The following DGAT1 variants were observed in gnomAD, a reference collection of about 807,000 sequenced individuals.
DGAT1 encodes the protein ACAT related gene product 1.
Under a neutral mutation model 72.6 loss-of-function variants are expected in DGAT1, and 60 were observed. The observed-to-expected ratio is 0.83, with a 90% CI of 0.67 to 1.02. The LOEUF is 1.02. DGAT1 is among the 50% of genes least tolerant of loss of function. The probability of loss-of-function intolerance (pLI) is 0.00; values close to 1 mark genes in which losing one functional copy is unlikely to be tolerated. For missense variants in DGAT1, 592 were observed against 670.0 expected, an observed-to-expected ratio of 0.88 and a Z score of 1.29; for synonymous variants, 290 against 267.5, an observed-to-expected ratio of 1.08 and a Z score of -0.82.
At chr8:144,324,900 TC>T (rs782733476) in intron 1 of DGAT1, among the ~76,000 whole-genome samples, 5 of 152,024 alleles carry the variant, frequency 3.3e-5, no homozygotes, top group Admixed American at 6.5e-5. Context: ...AAACCCCATC[TC>T]TACTAAAAAT....
Position 144,316,128 on chromosome 8 carries a change from G to A in DGAT1, c.*426C>T. ...GGGAGTGTGGGGAATGGGGGCGTCTGCCTGGCCTTGCACTCCCCCTACCGG... is the reference window on the plus strand; with the variant it reads ...GGGAGTGTGGGGAATGGGGGCGTCTACCTGGCCTTGCACTCCCCCTACCGG... On this transcript the variant is annotated 3_prime_UTR_variant, in exon 17 of 17. Coordinates refer to ENST00000528718, the MANE Select transcript of DGAT1 (RefSeq NM_012079.6). 4.9e-6 allele frequency: 1 copy of A among 205,028 alleles called. No individual in the cohort carries two copies. 12.7% of individuals were successfully genotyped at this position (205,028 alleles called of 1,614,324 possible).
At chr8:144,320,055 GC>G (rs1295405951) in intron 2 of DGAT1, among the ~76,000 whole-genome samples, 1 of 152,248 alleles carries the variant, frequency 6.6e-6, no homozygotes, top group East Asian at 1.9e-4. Flanking sequence ...TGGACACGTG[GC>G]CCACACTGTC....
Position 144,321,410 on chromosome 8 carries a change from T to C in DGAT1, c.201-2A>G, listed in dbSNP as rs145303862. 2 of 1,613,554 alleles carry C rather than the reference T, an allele frequency of 1.2e-6. No individual in the cohort carries two copies. The highest frequency in any genetic ancestry group is 8.5e-7 in the Non-Finnish European group (1 of 1,179,812). On this transcript the variant is annotated splice_acceptor_variant, in intron 1 of 16. Coordinates refer to ENST00000528718, the MANE Select transcript of DGAT1 (RefSeq NM_012079.6). LOFTEE classifies it high-confidence loss of function. ...AAAGAATCCTGCAGGCGATGGCACCTGACAGAGCACAACACAAGCACCCCC... is the reference window on the plus strand; with the variant it reads ...AAAGAATCCTGCAGGCGATGGCACCCGACAGAGCACAACACAAGCACCCCC...
chr8:144,315,057 G>A lies in DGAT1; in HGVS notation c.*1497C>T. On this transcript the variant is annotated 3_prime_UTR_variant, in exon 17 of 17. Transcript: ENST00000528718. Reference sequence around the variant, plus strand: ...GAGCCAGCACCCTGTGTAGGCACGGGGAACGGGAGCCTGTCCCGTAGCTTT... The same window carrying A: ...GAGCCAGCACCCTGTGTAGGCACGGAGAACGGGAGCCTGTCCCGTAGCTTT... 1 of 985,556 alleles carries A rather than the reference G, an allele frequency of 1.0e-6. No individual in the cohort carries two copies. The highest frequency in any genetic ancestry group is 1.2e-6 in the Non-Finnish European group (1 of 830,042). 61.1% of individuals were successfully genotyped at this position (985,556 alleles called of 1,614,324 possible).
In DGAT1 at chr8:144,318,427, C is replaced by T. The variant is rs782335297; in HGVS notation, c.574+34G>A. 6 of 1,608,922 alleles carry T rather than the reference C, an allele frequency of 3.7e-6. No homozygotes were observed. In the African/African-American group the frequency reaches 4.0e-5, roughly 11 times the overall value. On this transcript the variant is annotated intron_variant, in intron 6 of 16. Coordinates refer to ENST00000528718, the MANE Select transcript of DGAT1 (RefSeq NM_012079.6). Reference sequence around the variant, plus strand: ...CCGGAGGCCATGCCCGTGGCTGGCCCGAGACAGATGGGCAGGGTGGGATGG... The same window carrying T: ...CCGGAGGCCATGCCCGTGGCTGGCCTGAGACAGATGGGCAGGGTGGGATGG...
rs148270893 is a variant in DGAT1 at position 144,314,764 on chromosome 8, G to A, written c.*1790C>T. The A allele has an allele frequency of 5.2e-3, 1,428 of 276,748 alleles. 31 individuals are homozygous for A. The highest frequency in any genetic ancestry group is 0.031 in the African/African-American group (1,373 of 44,588). 17.1% of individuals were successfully genotyped at this position (276,748 alleles called of 1,614,324 possible). On this transcript the variant is annotated 3_prime_UTR_variant, in exon 17 of 17. Coordinates refer to ENST00000528718, the MANE Select transcript of DGAT1 (RefSeq NM_012079.6). Reference sequence around the variant, plus strand: ...CCTCTGTCCCAGGGTGGTGCGGTGGGTGGTGCTGCAATGAGGAGGGGCCCA... The same window carrying A: ...CCTCTGTCCCAGGGTGGTGCGGTGGATGGTGCTGCAATGAGGAGGGGCCCA...
Position 144,319,365 on chromosome 8 carries a change from G to A in DGAT1, c.289-297C>T, listed in dbSNP as rs528862751. Among the ~76,000 whole-genome samples the A allele has an allele frequency of 1.7e-3, 256 of 152,306 alleles. 1 individual carries two copies. The highest frequency in any genetic ancestry group is 5.3e-3 in the African/African-American group (221 of 41,568). ...ACCCTGCCAGACGCCTGGGTCTTCAGGAGCAGAAAGACCAGCTGCTGATCT... is the reference window on the plus strand; with the variant it reads ...ACCCTGCCAGACGCCTGGGTCTTCAAGAGCAGAAAGACCAGCTGCTGATCT... On this transcript the variant is annotated intron_variant, in intron 2 of 16. Transcript: ENST00000528718.
chr8:144,320,715 G>A lies in DGAT1; in HGVS notation c.288+606C>T, dbSNP rs1207575136. 3.9e-5 allele frequency among the ~76,000 whole-genome samples: 6 copies of A among 152,230 alleles called. No individual in the cohort carries two copies. In the East Asian group the frequency reaches 1.2e-3, roughly 29 times the overall value. On this transcript the variant is annotated intron_variant, in intron 2 of 16. Coordinates refer to ENST00000528718, the MANE Select transcript of DGAT1 (RefSeq NM_012079.6). Reference sequence around the variant, plus strand: ...TGGGAACCAGGCCCAGAGGTAGCAGGCCTTGGACGTGGCACAGGGCTCCAT... The same window carrying A: ...TGGGAACCAGGCCCAGAGGTAGCAGACCTTGGACGTGGCACAGGGCTCCAT...
At chr8:144,317,289 C>G in intron 13 of DGAT1, 37 bp from the exon 14 acceptor site, 2 of 1,613,090 alleles carry the variant, frequency 1.2e-6, no homozygotes, top group Non-Finnish European at 1.7e-6. Flanking sequence ...TCAGAGCACA[C>G]CATGGCCCAT....
Position 144,326,454 on chromosome 8 carries a change from G to T in DGAT1, c.183C>A (p.Ser61Arg). ...PNKDGDAGVGSGHWELRCHRL... is the reference protein window; with the variant it reads ...PNKDGDAGVGRGHWELRCHRL... ...TCCGCTACCTCAGCTCCCAGTGGCC[G>T]CTGCCCACGCCGGCGTCTCCGTCCT... The change falls in exon 1 of 17, where the codon AGC (serine) becomes AGA (arginine). Residue 61 changes from serine (S) to arginine (R), a missense_variant. Coordinates refer to ENST00000528718, the MANE Select transcript of DGAT1 (RefSeq NM_012079.6). The T allele has an allele frequency of 1.5e-6, 2 of 1,356,418 alleles. No individual in the cohort carries two copies. The highest frequency in any genetic ancestry group is 1.9e-6 in the Non-Finnish European group (2 of 1,043,840). 84.0% of individuals were successfully genotyped at this position (1,356,418 alleles called of 1,614,324 possible).
At chr8:144,319,327 G>A (rs1277768447) in intron 2 of DGAT1, among the ~76,000 whole-genome samples, 1 of 152,150 alleles carries the variant, frequency 6.6e-6, no homozygotes, top group African/African-American at 2.4e-5. Context: ...GAACCAACCG[G>A]CCAGACCAAC....
chr8:144,318,705 C>G lies in DGAT1; in HGVS notation c.462G>C (p.Leu154=), dbSNP rs781805584. 1 of 1,608,818 alleles carries G rather than the reference C, an allele frequency of 6.2e-7. No homozygotes were observed. The highest frequency in any genetic ancestry group is 8.5e-7 in the Non-Finnish European group (1 of 1,178,112). ...GGTGAGGGGCACTGCTTACCACCGC[C>G]AGGCGCTTCTCAACCTGGAATGCAG... is the stretch of plus-strand genomic sequence containing the variant. ...AVAAFQVEKR[L]AVGALTEQAG... Residue 154 remains leucine, a synonymous_variant, in exon 5 of 17, where the codon CTG becomes CTC. Coordinates refer to ENST00000528718, the MANE Select transcript of DGAT1 (RefSeq NM_012079.6).
chr8:144,317,277 G>A (rs782453165), intron 13 of DGAT1, 25 bp from the exon 14 acceptor site: 3 of 1,612,154 alleles, frequency 1.9e-6, no homozygotes, highest in Admixed American at 3.3e-5. Flanking sequence ...ACCACAGGGG[G>A]ATCAGAGCAC....
rs782106927 is a variant in DGAT1, at chr8:144,319,896, TG to T, written c.289-829del. Among the ~76,000 whole-genome samples, 6 of 152,266 alleles carry T rather than the reference TG, an allele frequency of 3.9e-5. No individual in the cohort carries two copies. The South Asian group carries it at 6.2e-4, about 16-fold the overall frequency. ...GCCTCATGCGGTAGTGAACTGGTGC[TG>T]GGGAAAAGGGTCGCTGGCAAGGGAA... On this transcript the variant is annotated intron_variant, in intron 2 of 16. Transcript: ENST00000528718.
At chr8:144,316,948 T>G in intron 15 of DGAT1, 33 bp from the exon 16 acceptor site, 3 of 1,612,068 alleles carry the variant, frequency 1.9e-6, no homozygotes, top group Non-Finnish European at 2.5e-6. Context: ...TGCCAGGGAG[T>G]GGGGTGTCAG....
At position 144,326,770 on chromosome 8, in the gene DGAT1, C is replaced by T. The variant is rs1817607189; in HGVS notation, c.-134G>A. 1.3e-6 allele frequency: 1 copy of T among 748,280 alleles called. No homozygotes were observed. The highest frequency in any genetic ancestry group is 5.6e-5 in the South Asian group (1 of 17,764). The allele number at this position is 748,280 out of a possible 1,614,324, so 46.4% of individuals were successfully genotyped here. A position where few individuals can be genotyped will look rare whatever the true frequency, so the allele number is the denominator to read the frequency against. ...TGCCGGCCGCCGTAGCCCGGGTGAC[C>T]GCCTCACCAGCGCGTTCAACCCGCC... On this transcript the variant is annotated 5_prime_UTR_variant, in exon 1 of 17. Transcript: ENST00000528718.
intron 1 of DGAT1, 117 bp from the exon 2 acceptor site, chr8:144,321,525 T>C: frequency 2.2e-6 from 2 of 916,738 alleles, no homozygotes; most frequent in Non-Finnish European, 3.5e-6. Context: ...CACTCCTTAT[T>C]TACAACCAGG....
In DGAT1 at chr8:144,326,547, C is replaced by T. The variant is rs1326168108; in HGVS notation, c.90G>A (p.Glu30=). Residue 30 remains glutamate, a synonymous_variant, in exon 1 of 17, where the codon GAG becomes GAA. Transcript: ENST00000528718. Reference sequence around the variant, plus strand: ...CGGGGCCCGCAGCGGCGTCCCGCACCTCCTCTTCCGCCGCCGCAGGCCCGC... The same window carrying T: ...CGGGGCCCGCAGCGGCGTCCCGCACTTCCTCTTCCGCCGCCGCAGGCCCGC... The part of the protein sequence containing the change: ...GGGGPAAAEE[E]VRDAAAGPDV... 1.6e-6 allele frequency: 2 copies of T among 1,267,898 alleles called. No individual in the cohort carries two copies. The highest frequency in any genetic ancestry group is 2.0e-6 in the Non-Finnish European group (2 of 1,007,966). The allele number at this position is 1,267,898 out of a possible 1,614,324, so 78.5% of individuals were successfully genotyped here. A position where few individuals can be genotyped will look rare whatever the true frequency, so the allele number is the denominator to read the frequency against.
In DGAT1 at chr8:144,316,922, T is replaced by C; in HGVS notation, c.1249-7A>G. On this transcript the variant is annotated splice_polypyrimidine_tract_variant and splice_region_variant and intron_variant, in intron 15 of 16. Coordinates refer to ENST00000528718, the MANE Select transcript of DGAT1 (RefSeq NM_012079.6). ...GAGGGACGCTCACCAGGTACTGAGA[T>C]GGGAGGGAGAGAGGATGCCAGGGAG... 6.2e-7 allele frequency: 1 copy of C among 1,612,498 alleles called. No individual in the cohort carries two copies. Among genetic ancestry groups the C allele is most frequent in the South Asian group, 1.1e-5 (1 of 91,012 alleles).
Sources: gnomAD v4.1 joint callset for allele counts (sites outside exome capture counted in the v4.1 genomes callset) on GRCh38, gnomAD v4.1.1 for gene constraint, MANE v1.5 for transcripts, NCBI Gene and HGNC (gene_info 2026-07-23, HGNC 2026-07-21) for gene names.